The following LOC400499 variants were observed in gnomAD, a reference collection of about 807,000 sequenced individuals.
chr16:11,518,239 G>A, the LOC400499 span, among the ~76,000 whole-genome samples: 1 of 152,212 alleles, frequency 6.6e-6, no homozygotes, highest in African/African-American at 2.4e-5. Flanking sequence ...CCTAGACAAA[G>A]GCTTTCTTTC....
At chr16:11,515,080 C>T in the LOC400499 span, among the ~76,000 whole-genome samples, 56 of 152,126 alleles carry the variant, frequency 3.7e-4, no homozygotes, top group Middle Eastern at 6.8e-3. Flanking sequence ...CCAAGGTGGC[C>T]GGAACGCTTG....
the LOC400499 span, among the ~76,000 whole-genome samples, chr16:11,408,252 G>C: frequency 1.3e-5 from 2 of 151,902 alleles, no homozygotes; most frequent in African/African-American, 2.4e-5. Flanking sequence ...CAAAGTGCTG[G>C]ATTACGGGTG....
At chr16:11,436,582 T>G in the LOC400499 span, among the ~76,000 whole-genome samples, 1 of 150,220 alleles carries the variant, frequency 6.7e-6, no homozygotes, top group African/African-American at 2.4e-5. Flanking sequence ...CAGGAAAAGT[T>G]TTTTTTTTTT....
At chr16:11,411,080 T>G in the LOC400499 span, among the ~76,000 whole-genome samples, 551 of 152,260 alleles carry the variant, frequency 3.6e-3, 4 homozygotes, top group African/African-American at 0.012. Context: ...TGGGTATGTT[T>G]GGGAAAGCTG....
the LOC400499 span, among the ~76,000 whole-genome samples, chr16:11,467,463 G>A: frequency 1.1e-4 from 8 of 74,482 alleles, no homozygotes; most frequent in Admixed American, 1.9e-4. Flanking sequence ...ATAAAAAAAA[G>A]AAGCCAAGCA....
chr16:11,396,661 G>T, the LOC400499 span: 1 of 1,231,794 alleles, frequency 8.1e-7, no homozygotes, highest in Non-Finnish European at 1.0e-6. Context: ...TGTGCTCCCC[G>T]ACGACCAAGA....
chr16:11,488,116 C>A, the LOC400499 span, among the ~76,000 whole-genome samples: 80 of 138,902 alleles, frequency 5.8e-4, no homozygotes, highest in Admixed American at 7.1e-4. Flanking sequence ...TAGTCCATGT[C>A]AAAAAAAAAA....
the LOC400499 span, among the ~76,000 whole-genome samples, chr16:11,461,579 C>T: frequency 1.3e-5 from 2 of 152,146 alleles, no homozygotes; most frequent in Admixed American, 6.5e-5. Flanking sequence ...GAAAGAATAG[C>T]CCATCATGGG....
At chr16:11,389,745 C>T in the LOC400499 span, among the ~76,000 whole-genome samples, 4 of 151,120 alleles carry the variant, frequency 2.6e-5, no homozygotes, top group East Asian at 1.9e-4. Flanking sequence ...GTGACAGAGC[C>T]GAATGGCCTG....
the LOC400499 span, chr16:11,411,149 T>G: frequency 7.5e-6 from 3 of 398,572 alleles, no homozygotes. Context: ...TGAACAGATG[T>G]GCATGTATTA....
At chr16:11,468,643 T>C in the LOC400499 span, among the ~76,000 whole-genome samples, 1 of 152,152 alleles carries the variant, frequency 6.6e-6, no homozygotes, top group Non-Finnish European at 1.5e-5. Context: ...TCTTTCTTTT[T>C]TTGAGACAGA....
the LOC400499 span, chr16:11,518,936 G>A: frequency 1.3e-5 from 5 of 398,972 alleles, no homozygotes; most frequent in Admixed American, 4.4e-5. Flanking sequence ...CTCCACCTTG[G>A]CCCCCAGGAT....
the LOC400499 span, among the ~76,000 whole-genome samples, chr16:11,515,716 A>AAAAGGGAGG: frequency 4.6e-5 from 4 of 87,094 alleles, no homozygotes; most frequent in South Asian, 3.9e-4. Flanking sequence ...AGGGAGGAGG[A>AAAAGGGAGG]AGGAGGAGGA....
chr16:11,485,068 C>A, the LOC400499 span: 1 of 398,950 alleles, frequency 2.5e-6, no homozygotes, highest in South Asian at 1.3e-4. Flanking sequence ...CCAGCCGGAG[C>A]CCAAGCTGGG....
chr16:11,516,837 G>T, the LOC400499 span, among the ~76,000 whole-genome samples: 2 of 152,052 alleles, frequency 1.3e-5, no homozygotes, highest in Non-Finnish European at 2.9e-5. Flanking sequence ...TGTAGAGATA[G>T]ATTCCCGCTA....
the LOC400499 span, among the ~76,000 whole-genome samples, chr16:11,490,874 G>A: frequency 6.6e-6 from 1 of 152,192 alleles, no homozygotes; most frequent in South Asian, 2.1e-4. Context: ...AAAATACTGG[G>A]GGGAAGAGGA....
chr16:11,384,384 C>G, the LOC400499 span: 44 of 983,732 alleles, frequency 4.5e-5, no homozygotes, highest in Non-Finnish European at 5.1e-5. Context: ...CCCCCAGCCC[C>G]AGCCCTGCTG....
At chr16:11,457,815 C>A in the LOC400499 span, among the ~76,000 whole-genome samples, 1 of 152,162 alleles carries the variant, frequency 6.6e-6, no homozygotes, top group Admixed American at 6.5e-5. Context: ...TCTATACAGA[C>A]AATGGAGTAT....
chr16:11,438,937 T>C, the LOC400499 span, among the ~76,000 whole-genome samples: 1 of 152,168 alleles, frequency 6.6e-6, no homozygotes, highest in Non-Finnish European at 1.5e-5. Context: ...TCTAATTTTT[T>C]TTATTGCTGT....
Sources: allele counts gnomAD v4.1 joint callset (sites outside exome capture counted in the v4.1 genomes callset), GRCh38; gene constraint gnomAD v4.1.1; transcripts MANE v1.5.